Variants in SLC38A1 observed in about 807,000 individuals in gnomAD.
The protein encoded by SLC38A1 is sodium-coupled neutral amino acid symporter 1.
Under a neutral mutation model 60.3 loss-of-function variants are expected in SLC38A1, and 18 were observed. The ratio of observed to expected loss-of-function variants is 0.30; its 90% confidence interval spans 0.21 to 0.44. The LOEUF is 0.44. Ranked by LOEUF, SLC38A1 falls within the 20% of genes least tolerant of loss-of-function variation. The pLI is 1.00. For missense variants in SLC38A1, 448 were observed against 587.2 expected, an observed-to-expected ratio of 0.76 and a Z score of 2.45; for synonymous variants, 196 against 212.1, an observed-to-expected ratio of 0.92 and a Z score of 0.66.
intron 5 of SLC38A1, among the ~76,000 whole-genome samples, chr12:46,226,617 C>CTTT (rs199599486): frequency 7.3e-5 from 9 of 123,000 alleles, no homozygotes; most frequent in Non-Finnish European, 1.2e-4. Flanking sequence ...CATGGATTTC[C>CTTT]TTTTTTTTTT....
chr12:46,234,446 C>CTTTTTTTTT (rs397791217), intron 3 of SLC38A1, among the ~76,000 whole-genome samples: 9 of 140,688 alleles, frequency 6.4e-5, no homozygotes, highest in South Asian at 2.2e-4. Flanking sequence ...TTCTTTCTTT[C>CTTTTTTTTT]TTTTTTTTTT....
chr12:46,236,474 A>C (rs1941264230), intron 3 of SLC38A1, among the ~76,000 whole-genome samples: 1 of 152,168 alleles, frequency 6.6e-6, no homozygotes, highest in Admixed American at 6.5e-5. Context: ...TATTATCCCC[A>C]TCTTAAAGGG....
At chr12:46,205,704 CT>C (rs1003363763) in intron 9 of SLC38A1, among the ~76,000 whole-genome samples, 44 of 152,142 alleles carry the variant, frequency 2.9e-4, no homozygotes, top group African/African-American at 7.7e-4. Context: ...AGCTTTCTGT[CT>C]CCATATTAGA....
intron 3 of SLC38A1, among the ~76,000 whole-genome samples, chr12:46,231,418 C>T (rs1455685072): frequency 1.3e-5 from 2 of 152,058 alleles, no homozygotes; most frequent in Non-Finnish European, 2.9e-5. Flanking sequence ...CTTGTACCTC[C>T]TAAATCTATA....
intron 1 of SLC38A1, 25 bp from the exon 2 acceptor site, chr12:46,243,339 A>C (rs1941507949): frequency 6.6e-6 from 1 of 152,228 alleles, no homozygotes; most frequent in Admixed American, 6.5e-5. Flanking sequence ...AATGAGCACA[A>C]ATAAAAAATA....
chr12:46,239,514 G>A (rs759246017), intron 3 of SLC38A1, 165 bp downstream of exon 3: 65 of 613,922 alleles, frequency 1.1e-4, no homozygotes, highest in South Asian at 2.2e-4. Context: ...TAGTAGAGAC[G>A]GGGTTTCACC....
intron 1 of SLC38A1, among the ~76,000 whole-genome samples, chr12:46,261,975 C>A (rs928576461): frequency 5.3e-5 from 8 of 152,158 alleles, no homozygotes; most frequent in Non-Finnish European, 1.2e-4. Flanking sequence ...ATGCACAGGA[C>A]AGCCACACAC....
At chr12:46,218,809 T>C (rs375375678) in intron 5 of SLC38A1, among the ~76,000 whole-genome samples, 1 of 151,634 alleles carries the variant, frequency 6.6e-6, no homozygotes, top group Non-Finnish European at 1.5e-5. Context: ...GGAGTGATGA[T>C]TGGTTAAGTT....
chr12:46,212,037 T>C (rs1255038411), intron 5 of SLC38A1, among the ~76,000 whole-genome samples: 2 of 152,216 alleles, frequency 1.3e-5, no homozygotes, highest in East Asian at 3.8e-4. Context: ...GTTCAGATTC[T>C]TAGAAAGAAG....
rs544882190 is a variant in SLC38A1, at chr12:46,193,774, T to C, written c.1362+3946A>G. Reference sequence around the variant, plus strand: ...GCAAGTCCTGCTTTTTTTTTTGCTTTCCATTTGCTTGGTAGATCTTCCTCC... The same window carrying C: ...GCAAGTCCTGCTTTTTTTTTTGCTTCCCATTTGCTTGGTAGATCTTCCTCC... On this transcript the variant is annotated intron_variant, in intron 16 of 16. Coordinates refer to ENST00000398637, the MANE Select transcript of SLC38A1 (RefSeq NM_030674.4). 2.6e-5 allele frequency among the ~76,000 whole-genome samples: 4 copies of C among 152,308 alleles called. No homozygotes were observed. The East Asian group carries it at 7.7e-4, about 29-fold the overall frequency.
chr12:46,248,034 A>T (rs540380834), intron 1 of SLC38A1, among the ~76,000 whole-genome samples: 1 of 152,366 alleles, frequency 6.6e-6, no homozygotes, highest in African/African-American at 2.4e-5. Flanking sequence ...TCCTGAAGGA[A>T]GCACTAAACA....
At chr12:46,192,250 T>C (rs1034339116) in intron 16 of SLC38A1, among the ~76,000 whole-genome samples, 6 of 152,264 alleles carry the variant, frequency 3.9e-5, no homozygotes, top group Non-Finnish European at 8.8e-5. Context: ...GATTTGCATA[T>C]GTTGAAGCAG....
intron 5 of SLC38A1, among the ~76,000 whole-genome samples, chr12:46,217,775 T>C (rs1175412667): frequency 6.6e-6 from 1 of 152,208 alleles, no homozygotes; most frequent in Non-Finnish European, 1.5e-5. Flanking sequence ...TGATCATGTA[T>C]AATGCTTACA....
intron 5 of SLC38A1, among the ~76,000 whole-genome samples, chr12:46,222,481 A>G (rs1375100896): frequency 6.6e-6 from 1 of 152,206 alleles, no homozygotes; most frequent in Non-Finnish European, 1.5e-5. Flanking sequence ...TATGCTACAC[A>G]GTATTAATAA....
intron 9 of SLC38A1, among the ~76,000 whole-genome samples, chr12:46,205,296 T>G (rs1939843716): frequency 6.6e-6 from 1 of 152,082 alleles, no homozygotes; most frequent in Non-Finnish European, 1.5e-5. Context: ...ATTAAGTAGT[T>G]AAAAAAATCT....
chr12:46,223,046 C>G (rs1592109759), intron 5 of SLC38A1, among the ~76,000 whole-genome samples: 1 of 152,128 alleles, frequency 6.6e-6, no homozygotes, highest in Non-Finnish European at 1.5e-5. Context: ...TACTAACTTG[C>G]AAGCATCCGT....
intron 5 of SLC38A1, among the ~76,000 whole-genome samples, chr12:46,211,646 A>G (rs1435523917): frequency 6.6e-6 from 1 of 152,158 alleles, no homozygotes; most frequent in Non-Finnish European, 1.5e-5. Context: ...CCCCTTTTCA[A>G]GCCGGAGAAA....
rs147925198 is a variant in SLC38A1, at chr12:46,251,013, C to G, written c.-208-7699G>C. Among the ~76,000 whole-genome samples the G allele has an allele frequency of 8.5e-5, 13 of 152,188 alleles. No homozygotes were observed. In the East Asian group the frequency reaches 1.9e-3, roughly 23 times the overall value. ...AAACTACTTTAAAGTTCATATGGAA[C>G]CAAAAAAGAGCCCACATTGCCAAGA... On this transcript the variant is annotated intron_variant, in intron 1 of 16. Transcript: ENST00000398637.
At position 46,195,689 on chromosome 12, in the gene SLC38A1, G is replaced by A. The variant is rs145973019; in HGVS notation, c.1362+2031C>T. On this transcript the variant is annotated intron_variant, in intron 16 of 16. Coordinates refer to ENST00000398637, the MANE Select transcript of SLC38A1 (RefSeq NM_030674.4). ...GCCTCTCCCTGCATCAAGCTGCAGC[G>A]TCGCAGGTCGATCTTAGACTGTTGC... 27 of 165,610 alleles carry A rather than the reference G, an allele frequency of 1.6e-4. No homozygotes were observed. The East Asian group carries it at 2.7e-3, about 17-fold the overall frequency. 10.3% of individuals were successfully genotyped at this position (165,610 alleles called of 1,614,324 possible).
Sources: allele counts gnomAD v4.1 joint callset (sites outside exome capture counted in the v4.1 genomes callset), GRCh38; gene constraint gnomAD v4.1.1; transcripts MANE v1.5; gene names NCBI Gene and HGNC (gene_info 2026-07-23, HGNC 2026-07-21).